The following DSCAML1 variants were observed in gnomAD, a reference collection of about 807,000 sequenced individuals.
DSCAML1 encodes the protein cell adhesion molecule DSCAML1.
DSCAML1 carries 38 observed loss-of-function variants against 200.5 expected under a neutral mutation model. That is an observed-to-expected ratio of 0.19 (90% CI 0.15 to 0.25). The LOEUF (loss-of-function observed/expected upper bound fraction) is 0.25, where lower values mean the gene tolerates loss of function less well. DSCAML1 is among the 10% of genes least tolerant of loss of function. The pLI is 1.00. For synonymous variants in DSCAML1, 1,215 were observed against 1,165.0 expected (o/e 1.04, Z -0.87); for missense variants, 2,223 against 2,858.8 (o/e 0.78, Z 5.07).
chr11:117,702,831 C>T (rs568022985), intron 3 of DSCAML1, among the ~76,000 whole-genome samples: 1 of 152,030 alleles, frequency 6.6e-6, no homozygotes, highest in South Asian at 2.1e-4. Flanking sequence ...TATGTCTTCC[C>T]CCAAAGCCTC....
At chr11:117,486,284 GT>G (rs1306663263) in intron 11 of DSCAML1, among the ~76,000 whole-genome samples, 22 of 150,582 alleles carry the variant, frequency 1.5e-4, no homozygotes, top group African/African-American at 5.1e-4. Context: ...AGTGGCGGAT[GT>G]GAAAATGGCA....
At chr11:117,662,922 C>T (rs984717072) in intron 3 of DSCAML1, among the ~76,000 whole-genome samples, 12 of 152,152 alleles carry the variant, frequency 7.9e-5, no homozygotes, top group African/African-American at 1.7e-4. Flanking sequence ...GATTGCCAGG[C>T]GGCATTTAAA....
chr11:117,511,706 C>T (rs998475729), intron 8 of DSCAML1, among the ~76,000 whole-genome samples: 2 of 152,240 alleles, frequency 1.3e-5, no homozygotes, highest in Non-Finnish European at 2.9e-5. Flanking sequence ...ACAGCAGGCT[C>T]CCTTGGGCAA....
At chr11:117,535,209 C>A (rs2050144372) in intron 3 of DSCAML1, among the ~76,000 whole-genome samples, 1 of 152,220 alleles carries the variant, frequency 6.6e-6, no homozygotes, top group Non-Finnish European at 1.5e-5. Context: ...CGTTATACTA[C>A]TCTCCTTGCA....
At position 117,428,157 on chromosome 11, in the gene DSCAML1, C is replaced by T. The variant is rs2047696963; in HGVS notation, c.*171G>A. The T allele has an allele frequency of 1.8e-6, 1 of 551,498 alleles. No individual in the cohort carries two copies. The highest frequency in any genetic ancestry group is 3.2e-6 in the Non-Finnish European group (1 of 310,580). 34.2% of individuals were successfully genotyped at this position (551,498 alleles called of 1,614,324 possible). ...TTCATGGAGAAGAAGAAAATAGTTT[C>T]ATTTGTACAAAAGAGTTCTATGTAC... On this transcript the variant is annotated 3_prime_UTR_variant, in exon 33 of 33. Coordinates refer to ENST00000651296, the MANE Select transcript of DSCAML1 (RefSeq NM_020693.4).
chr11:117,609,615 T>C lies in DSCAML1; in HGVS notation c.512-77093A>G, dbSNP rs148367340. On this transcript the variant is annotated intron_variant, in intron 3 of 32. Coordinates refer to ENST00000651296, the MANE Select transcript of DSCAML1 (RefSeq NM_020693.4). ...AGCCACCATGCCCAACCATGCTGATTTTTTCCTCTATATTCTTATCAACTC... is the reference window on the plus strand; with the variant it reads ...AGCCACCATGCCCAACCATGCTGATCTTTTCCTCTATATTCTTATCAACTC... Among the ~76,000 whole-genome samples, 1,298 of 152,244 alleles carry C rather than the reference T, an allele frequency of 8.5e-3. 23 individuals carry two copies. The highest frequency in any genetic ancestry group is 0.03 in the African/African-American group (1,233 of 41,544).
intron 3 of DSCAML1, among the ~76,000 whole-genome samples, chr11:117,671,702 G>A (rs2053110970): frequency 6.6e-6 from 1 of 152,224 alleles, no homozygotes; most frequent in East Asian, 1.9e-4. Flanking sequence ...GCAATGCTCA[G>A]ATCCTGGGAC....
In DSCAML1 at chr11:117,518,521, G is replaced by A; in HGVS notation, c.1455C>T (p.Cys485=). The change falls in exon 7 of 33, where the codon TGC becomes TGT. Residue 485 remains cysteine, a synonymous_variant. Coordinates refer to ENST00000651296, the MANE Select transcript of DSCAML1 (RefSeq NM_020693.4). The surrounding 1 kb of genome is among the most constrained non-coding windows in gnomAD (Gnocchi z 6.3). The part of the protein sequence containing the change: ...PQIRDGGVYR[C]TARNLVGSAE... ...CACTGCCCACCAAGTTCCGCGCTGTGCACCGGTACACGCCCCCGTCGCGGA... is the reference window on the plus strand; with the variant it reads ...CACTGCCCACCAAGTTCCGCGCTGTACACCGGTACACGCCCCCGTCGCGGA... 6.2e-7 allele frequency: 1 copy of A among 1,614,188 alleles called. No individual in the cohort carries two copies. The highest frequency in any genetic ancestry group is 8.5e-7 in the Non-Finnish European group (1 of 1,180,032).
At chr11:117,513,327 C>T (rs540777099) in intron 8 of DSCAML1, among the ~76,000 whole-genome samples, 1 of 152,290 alleles carries the variant, frequency 6.6e-6, no homozygotes, top group Admixed American at 6.5e-5. Context: ...GATGCCCTTC[C>T]ACATGGCTCC....
intron 3 of DSCAML1, among the ~76,000 whole-genome samples, chr11:117,704,265 A>G (rs1441324104): frequency 1.3e-5 from 2 of 152,140 alleles, no homozygotes; most frequent in African/African-American, 4.8e-5. Context: ...TAAAAACTTA[A>G]TTATCATTCC....
intron 3 of DSCAML1, among the ~76,000 whole-genome samples, chr11:117,597,597 C>G (rs942604364): frequency 2.0e-5 from 3 of 152,226 alleles, no homozygotes; most frequent in Non-Finnish European, 4.4e-5. Context: ...TACAGGCGTG[C>G]ATCACCACAT....
At chr11:117,769,460 A>C (rs1249759918) in intron 3 of DSCAML1, among the ~76,000 whole-genome samples, 2 of 59,708 alleles carry the variant, frequency 3.3e-5, no homozygotes. Flanking sequence ...TTATATATAT[A>C]ATATATATTT....
chr11:117,466,775 G>T (rs952427206), intron 16 of DSCAML1, among the ~76,000 whole-genome samples: 6 of 152,190 alleles, frequency 3.9e-5, no homozygotes, highest in African/African-American at 1.4e-4. Flanking sequence ...AAGTGCTAGT[G>T]GTGATGGTTG....
intron 3 of DSCAML1, among the ~76,000 whole-genome samples, chr11:117,591,339 T>C (rs2051255765): frequency 6.6e-6 from 1 of 152,148 alleles, no homozygotes; most frequent in Non-Finnish European, 1.5e-5. Flanking sequence ...AGCCCCTGCA[T>C]CCCGTCCTGA....
chr11:117,627,672 G>A (rs953793035), intron 3 of DSCAML1, among the ~76,000 whole-genome samples: 16 of 152,012 alleles, frequency 1.1e-4, no homozygotes, highest in Non-Finnish European at 1.3e-4. Flanking sequence ...GAACTCCTGC[G>A]CCAGGCACTT....
At chr11:117,432,141 C>T (rs1325468064) in intron 30 of DSCAML1, among the ~76,000 whole-genome samples, 1 of 152,140 alleles carries the variant, frequency 6.6e-6, no homozygotes, top group Non-Finnish European at 1.5e-5. Context: ...AGGAAACAGG[C>T]CCAGAGAGAT....
Position 117,642,286 on chromosome 11 carries a change from G to A in DSCAML1, c.512-109764C>T, listed in dbSNP as rs915549699. Among the ~76,000 whole-genome samples, 1 of 152,122 alleles carries A rather than the reference G, an allele frequency of 6.6e-6. No individual in the cohort carries two copies. Among genetic ancestry groups the A allele is most frequent in the Non-Finnish European group, 1.5e-5 (1 of 68,022 alleles). ...TTTCATCCCCACAGTGCCCCTCTGAGGCTCTGAACCACTCTTCTTCCTATC... is the reference window on the plus strand; with the variant it reads ...TTTCATCCCCACAGTGCCCCTCTGAAGCTCTGAACCACTCTTCTTCCTATC... On this transcript the variant is annotated intron_variant, in intron 3 of 32. Coordinates refer to ENST00000651296, the MANE Select transcript of DSCAML1 (RefSeq NM_020693.4). The surrounding 1 kb of genome is among the most constrained non-coding windows in gnomAD (Gnocchi z 4.1).
chr11:117,491,715 A>C (rs2049185553), intron 11 of DSCAML1, among the ~76,000 whole-genome samples: 2 of 152,194 alleles, frequency 1.3e-5, no homozygotes. Context: ...TGGAGGCTGC[A>C]GTGAGCTGAG....
chr11:117,759,932 G>C (rs2054769903), intron 3 of DSCAML1, among the ~76,000 whole-genome samples: 1 of 152,126 alleles, frequency 6.6e-6, no homozygotes, highest in Non-Finnish European at 1.5e-5. Flanking sequence ...ACCAAGCCCT[G>C]CTCAAGGTGG....
Sources: gnomAD v4.1 joint callset for allele counts (sites outside exome capture counted in the v4.1 genomes callset) on GRCh38, gnomAD v4.1.1 for gene constraint, Gnocchi (gnomAD v3.1) non-coding constraint, MANE v1.5 for transcripts, NCBI Gene and HGNC (gene_info 2026-07-23, HGNC 2026-07-21) for gene names.